Variants in MIIP observed in about 807,000 individuals in gnomAD.
MIIP encodes migration and invasion inhibitory protein, also known as migration and invasion-inhibitory protein.
In MIIP, 44 loss-of-function variants were observed where a neutral mutation model predicts 44.8. That is an observed-to-expected ratio of 0.98 (90% CI 0.77 to 1.26). The LOEUF (loss-of-function observed/expected upper bound fraction) is 1.26. Among genes scored for constraint, MIIP ranks in the 50% most tolerant of loss-of-function variants. The pLI, the probability that MIIP is intolerant of heterozygous loss-of-function variation, is 0.00. For synonymous variants in MIIP, 225 were observed against 218.3 expected (o/e 1.03, Z -0.27); for missense variants, 496 against 511.7 (o/e 0.97, Z 0.30).
At chr1:12,022,703 C>A in intron 3 of MIIP, 130 bp from the exon 4 acceptor site, 1 of 750,950 alleles carries the variant, frequency 1.3e-6, no homozygotes, top group African/African-American at 1.8e-5. Context: ...TGCTCTTGTG[C>A]CCTTGGCTGA....
chr1:12,022,579 G>T, intron 3 of MIIP, 137 bp downstream of exon 3: 1 of 796,974 alleles, frequency 1.3e-6, no homozygotes, highest in Non-Finnish European at 2.0e-6. Context: ...GTTGGGTCTT[G>T]CTCAGCCTAA....
chr1:12,026,758 C>T (rs1423667551), intron 4 of MIIP, among the ~76,000 whole-genome samples: 1 of 152,226 alleles, frequency 6.6e-6, no homozygotes, highest in African/African-American at 2.4e-5. Flanking sequence ...ATTAGGTAGG[C>T]ACCACCATGG....
At chr1:12,031,436 C>T in intron 9 of MIIP, 33 bp downstream of exon 9, 1 of 1,600,866 alleles carries the variant, frequency 6.2e-7, no homozygotes, top group Non-Finnish European at 8.5e-7. Context: ...GCCTGGGGTG[C>T]CCCCTAGAGG....
At position 12,021,688 on chromosome 1, in the gene MIIP, G is replaced by T. The variant is rs537258118; in HGVS notation, c.-39G>T. On this transcript the variant is annotated 5_prime_UTR_variant, in exon 2 of 10. Transcript: ENST00000235332. ...GAACCCAGCCCTGAGGACATCCTGC[G>T]GCCCAGGGGCAAGTGACACCTGCTG... is the stretch of plus-strand genomic sequence containing the variant. 6.3e-6 allele frequency: 10 copies of T among 1,580,758 alleles called. No individual in the cohort carries two copies. Among genetic ancestry groups the T allele is most frequent in the Non-Finnish European group, 7.8e-6 (9 of 1,154,910 alleles).
Position 12,029,103 on chromosome 1 carries a change from G to A in MIIP, c.618G>A (p.Arg206=), listed in dbSNP as rs747790354. The A allele has an allele frequency of 1.2e-6, 2 of 1,614,164 alleles. No homozygotes were observed. The highest frequency in any genetic ancestry group is 1.7e-6 in the Non-Finnish European group (2 of 1,180,016). ...TCTTCTCCAAGCTGCAGGAGTTTCG[G>A]GAAACCAACAAGGAGGAGTGTATCT... ...EAFFSKLQEF[R]ETNKEECICS... is the part of the protein sequence containing the mutation. Residue 206 remains arginine, a synonymous_variant, in exon 5 of 10, where the codon CGG becomes CGA. Coordinates refer to ENST00000235332, the MANE Select transcript of MIIP (RefSeq NM_021933.4).
At chr1:12,019,846 G>C (rs1406678777) in intron 1 of MIIP, among the ~76,000 whole-genome samples, 1 of 152,262 alleles carries the variant, frequency 6.6e-6, no homozygotes, top group East Asian at 1.9e-4. Context: ...CGAAAACGGC[G>C]ACCCTCTGAC....
chr1:12,029,036 C>G lies in MIIP; in HGVS notation c.551C>G (p.Ser184Cys), dbSNP rs1403915517. 1 of 1,613,632 alleles carries G rather than the reference C, an allele frequency of 6.2e-7. No individual in the cohort carries two copies. Among genetic ancestry groups the G allele is most frequent in the African/African-American group, 1.3e-5 (1 of 74,936 alleles). ...PYLGYDWIAG[S>C]LDTSSSITSQ... ...CCTGGTGCTTTGCCCACACCAGGGTCTCTGGACACCAGCTCTTCCATCACC... is the reference window on the plus strand; with the variant it reads ...CCTGGTGCTTTGCCCACACCAGGGTGTCTGGACACCAGCTCTTCCATCACC... The change falls in exon 5 of 10, where the codon TCT becomes TGT. Residue 184 changes from serine to cysteine, a missense_variant. Physicochemically the swap from Ser to Cys is moderately radical, Grantham distance 112. Coordinates refer to ENST00000235332, the MANE Select transcript of MIIP (RefSeq NM_021933.4).
intron 2 of MIIP, 25 bp downstream of exon 2, chr1:12,021,865 A>G (rs1639983784): frequency 2.6e-6 from 4 of 1,562,304 alleles, no homozygotes; most frequent in Non-Finnish European, 3.5e-6. Context: ...TGGGAACCCC[A>G]GAGGAAGGGG....
In MIIP at chr1:12,022,245, A is replaced by C; in HGVS notation, c.265A>C (p.Arg89=). Reference sequence around the variant, plus strand: ...TCGAGGGGACCTCCGTGATGTGGCCAGATCGGGGGTGGCCTCTCTCCCACC... The same window carrying C: ...TCGAGGGGACCTCCGTGATGTGGCCCGATCGGGGGTGGCCTCTCTCCCACC... ...ACRGDLRDVA[R]SGVASLPPAK... Residue 89 remains arginine (R), a synonymous_variant, in exon 3 of 10, where the codon AGA becomes CGA. Coordinates refer to ENST00000235332, the MANE Select transcript of MIIP (RefSeq NM_021933.4). The C allele has an allele frequency of 6.2e-7, 1 of 1,613,318 alleles. No individual in the cohort carries two copies.
In MIIP at chr1:12,022,094, G is replaced by T. The variant is rs1003815437; in HGVS notation, c.115-1G>T. 6.2e-7 allele frequency: 1 copy of T among 1,613,080 alleles called. No homozygotes were observed. The highest frequency in any genetic ancestry group is 8.5e-7 in the Non-Finnish European group (1 of 1,179,498). ...CTGGGTGACCCGGCCCCTCTCTCCA[G>T]TCAAGCCTGGAATCCAGCAGCAGCT... On this transcript the variant is annotated splice_acceptor_variant, in intron 2 of 9. Transcript: ENST00000235332. LOFTEE classifies it high-confidence loss of function.
chr1:12,029,293 C>T lies in MIIP; in HGVS notation c.715+12C>T. On this transcript the variant is annotated intron_variant, in intron 6 of 9. Transcript: ENST00000235332. Reference sequence around the variant, plus strand: ...GGAAGACCATGAATGTGAGTGCGGGCCCTCGGCTAGGCCGCTGAGTAGTCC... The same window carrying T: ...GGAAGACCATGAATGTGAGTGCGGGTCCTCGGCTAGGCCGCTGAGTAGTCC... 3 of 1,611,796 alleles carry T rather than the reference C, an allele frequency of 1.9e-6. No individual in the cohort carries two copies. Among genetic ancestry groups the T allele is most frequent in the Non-Finnish European group, 2.5e-6 (3 of 1,179,232 alleles).
chr1:12,021,341 C>T (rs1302835196), intron 1 of MIIP, among the ~76,000 whole-genome samples: 1 of 151,456 alleles, frequency 6.6e-6, no homozygotes, highest in Non-Finnish European at 1.5e-5. Context: ...TTGCAGTGAG[C>T]CGAGATTGCG....
At chr1:12,025,707 C>T (rs1026611778) in intron 4 of MIIP, among the ~76,000 whole-genome samples, 3 of 152,104 alleles carry the variant, frequency 2.0e-5, no homozygotes, top group Non-Finnish European at 4.4e-5. Context: ...CTCGCGGCCT[C>T]CTCCTTTTTT....
chr1:12,023,353 C>T lies in MIIP; in HGVS notation c.547+436C>T, dbSNP rs572540437. ...TGCTAGGATTACGGGAGTGAGCCAC[C>T]GCCCCCCACAGCCACCTTCTTTGTT... is the stretch of plus-strand genomic sequence containing the variant. On this transcript the variant is annotated intron_variant, in intron 4 of 9. Transcript: ENST00000235332. Among the ~76,000 whole-genome samples, 5 of 151,476 alleles carry T rather than the reference C, an allele frequency of 3.3e-5. 1 individual carries two copies. Among genetic ancestry groups the T allele is most frequent in the African/African-American group, 7.3e-5 (3 of 41,358 alleles).
chr1:12,029,328 C>A, intron 6 of MIIP, 47 bp downstream of exon 6: 2 of 1,569,524 alleles, frequency 1.3e-6, no homozygotes, highest in Non-Finnish European at 1.7e-6. Context: ...CAGCCTCGCG[C>A]TGCCCTGGCC....
chr1:12,023,819 C>T (rs1640042838), intron 4 of MIIP, among the ~76,000 whole-genome samples: 1 of 151,856 alleles, frequency 6.6e-6, no homozygotes, highest in Non-Finnish European at 1.5e-5. Context: ...CATGGTGAAA[C>T]CCCGTATCTA....
Position 12,031,696 on chromosome 1 carries a change from C to T in MIIP, c.1081-26C>T, listed in dbSNP as rs2295291. ...GACCTGTCCCTTTCAAGTGGCCCCC[C>T]TGAGACTTCCCTATTCCCCATCCAG... On this transcript the variant is annotated intron_variant, in intron 9 of 9. Transcript: ENST00000235332. 1.3e-3 allele frequency: 2,092 copies of T among 1,614,036 alleles called. 45 individuals carry two copies. In the East Asian group the frequency reaches 0.036, roughly 28 times the overall value.
rs781245805 is a variant in MIIP at position 12,029,886 on chromosome 1, G to A, written c.837G>A (p.Ala279=). 8.7e-6 allele frequency: 14 copies of A among 1,612,694 alleles called. No individual in the cohort carries two copies. The highest frequency in any genetic ancestry group is 1.6e-4 in the Middle Eastern group (1 of 6,084). The stretch of plus-strand genomic sequence containing the variant: ...GCCCTGGGACCCTGGCGCAGCCAGC[G>A]CACGTCAGGTGAGTGACCAGAGTAT... ...QQGPGTLAQP[A]HVRVSIPLSI... is the part of the protein sequence containing the mutation. The change falls in exon 7 of 10, where the codon GCG becomes GCA. Residue 279 remains alanine, a synonymous_variant. Coordinates refer to ENST00000235332, the MANE Select transcript of MIIP (RefSeq NM_021933.4).
Position 12,029,892 on chromosome 1 carries a change from C to T in MIIP, c.843C>T (p.Val281=). The change falls in exon 7 of 10, where the codon GTC becomes GTT. Residue 281 remains valine (V), a splice_region_variant and synonymous_variant. Transcript: ENST00000235332. ...GPGTLAQPAH[V]RVSIPLSILE... ...GGACCCTGGCGCAGCCAGCGCACGT[C>T]AGGTGAGTGACCAGAGTATTGGGAC... The T allele has an allele frequency of 6.2e-7, 1 of 1,612,774 alleles. No homozygotes were observed. Among genetic ancestry groups the T allele is most frequent in the Non-Finnish European group, 8.5e-7 (1 of 1,179,268 alleles).
Sources: gnomAD v4.1 joint callset for allele counts (sites outside exome capture counted in the v4.1 genomes callset) on GRCh38, gnomAD v4.1.1 for gene constraint, MANE v1.5 for transcripts, NCBI Gene and HGNC (gene_info 2026-07-23, HGNC 2026-07-21) for gene names.